The following IGF2BP3 variants were observed in gnomAD, a reference collection of about 807,000 sequenced individuals.
IGF2BP3 encodes the protein insulin like growth factor 2 mRNA binding protein 3.
IGF2BP3 carries 9 observed loss-of-function variants against 73.8 expected under a neutral mutation model. The ratio of observed to expected loss-of-function variants is 0.12; its 90% CI spans 0.07 to 0.21. The LOEUF (loss-of-function observed/expected upper bound fraction) is 0.21. IGF2BP3 is among the 10% of genes least tolerant of loss of function. The probability of loss-of-function intolerance (pLI) is 1.00; values close to 1 mark genes in which losing one functional copy is unlikely to be tolerated. For missense variants in IGF2BP3, 542 were observed against 714.0 expected (o/e 0.76, Z 2.75); for synonymous variants, 258 against 256.7 (o/e 1.01, Z -0.05).
intron 9 of IGF2BP3, among the ~76,000 whole-genome samples, chr7:23,342,914 G>T (rs964026330): frequency 6.6e-6 from 1 of 152,110 alleles, no homozygotes; most frequent in East Asian, 1.9e-4. Flanking sequence ...AGTCACGTGG[G>T]GTGTAAAATG....
At chr7:23,457,767 G>A (rs1788356879) in intron 2 of IGF2BP3, among the ~76,000 whole-genome samples, 1 of 152,172 alleles carries the variant, frequency 6.6e-6, no homozygotes, top group Admixed American at 6.5e-5. Flanking sequence ...CAAGCCCTGG[G>A]AACTACTAGA....
intron 10 of IGF2BP3, among the ~76,000 whole-genome samples, chr7:23,330,686 C>T (rs763286153): frequency 6.6e-6 from 1 of 152,170 alleles, no homozygotes; most frequent in Non-Finnish European, 1.5e-5. Context: ...TCAGGTGATC[C>T]GCCCGCCTTG....
chr7:23,447,660 G>A (rs1010844311), intron 2 of IGF2BP3, among the ~76,000 whole-genome samples: 14 of 151,884 alleles, frequency 9.2e-5, no homozygotes, highest in Admixed American at 3.9e-4. Flanking sequence ...TGAAGACCAA[G>A]GAACTGTCCC....
intron 10 of IGF2BP3, among the ~76,000 whole-genome samples, chr7:23,335,073 TAAAAAAAAAAA>T (rs5882898): frequency 7.2e-5 from 5 of 69,186 alleles, no homozygotes; most frequent in Admixed American, 4.0e-4. Flanking sequence ...TCTTTAACAT[TAAAAAAAAAAA>T]AAAAAAAAAA....
At position 23,347,752 on chromosome 7, in the gene IGF2BP3, CAG is replaced by C. The variant is rs750052108; in HGVS notation, c.684-20_684-19del. ...CATCGATTCTGATAGTGGGCGCAAG[CAG>C]AGAGGAAAACGAGAGCAGTAAGCGT... On this transcript the variant is annotated intron_variant, in intron 6 of 14. Coordinates refer to ENST00000258729, the MANE Select transcript of IGF2BP3 (RefSeq NM_006547.3). 3.5e-5 allele frequency: 56 copies of C among 1,613,802 alleles called. No homozygotes were observed. The African/African-American group carries it at 7.1e-4, about 20-fold the overall frequency.
chr7:23,420,490 G>A (rs528952803), intron 2 of IGF2BP3, among the ~76,000 whole-genome samples: 42 of 151,520 alleles, frequency 2.8e-4, no homozygotes, highest in African/African-American at 9.4e-4. Flanking sequence ...AAAGAAAAGA[G>A]AAGAAAAAAG....
intron 3 of IGF2BP3, chr7:23,414,527 G>A (rs1787126494): frequency 1.3e-5 from 2 of 152,194 alleles, no homozygotes; most frequent in African/African-American, 4.8e-5. Flanking sequence ...ATTGGGGCAG[G>A]AGATTGTCTT....
intron 3 of IGF2BP3, among the ~76,000 whole-genome samples, chr7:23,379,418 T>C (rs2128516133): frequency 6.6e-6 from 1 of 152,352 alleles, no homozygotes; most frequent in South Asian, 2.1e-4. Context: ...ACCCCTCAGA[T>C]GTGATTCCAC....
intron 2 of IGF2BP3, among the ~76,000 whole-genome samples, chr7:23,455,820 G>C (rs1433697283): frequency 1.3e-5 from 2 of 152,068 alleles, no homozygotes; most frequent in Admixed American, 6.6e-5. Flanking sequence ...TGAGTAACTG[G>C]GACTACAGGC....
In IGF2BP3 at chr7:23,423,772, GA is replaced by G. The variant is rs540791057; in HGVS notation, c.237-4949del. Among the ~76,000 whole-genome samples the G allele has an allele frequency of 4.1e-4, 58 of 143,020 alleles. No individual in the cohort carries two copies. In the East Asian group the frequency reaches 0.011, roughly 27 times the overall value. The allele number at this position is 143,020 out of a possible 152,430, so 93.8% of individuals were successfully genotyped here. A position where few individuals can be genotyped will look rare whatever the true frequency, so the allele number is the denominator to read the frequency against. On this transcript the variant is annotated intron_variant, in intron 2 of 14. Coordinates refer to ENST00000258729, the MANE Select transcript of IGF2BP3 (RefSeq NM_006547.3). ...CAACTGCCACACATTTTTGAGAATG[GA>G]AAAAAAAAACAAAAACCCCAAAATA...
intron 5 of IGF2BP3, 82 bp from the exon 6 acceptor site, chr7:23,351,668 C>A (rs1394583526): frequency 6.9e-7 from 1 of 1,451,066 alleles, no homozygotes; most frequent in Non-Finnish European, 9.5e-7. Context: ...CCCATCTCTT[C>A]TACTCAGCAT....
chr7:23,363,486 A>G (rs1406988397), intron 3 of IGF2BP3, among the ~76,000 whole-genome samples: 3 of 152,152 alleles, frequency 2.0e-5, no homozygotes, highest in Non-Finnish European at 2.9e-5. Flanking sequence ...GATTCAAGGG[A>G]TCATCCCAGC....
At chr7:23,327,940 C>T (rs976925623) in intron 10 of IGF2BP3, among the ~76,000 whole-genome samples, 11 of 152,166 alleles carry the variant, frequency 7.2e-5, no homozygotes, top group Non-Finnish European at 1.5e-4. Flanking sequence ...CCGTGCCACT[C>T]GCTTGTCCCC....
chr7:23,312,624 A>C (rs553041298), intron 14 of IGF2BP3, 111 bp downstream of exon 14: 29 of 926,716 alleles, frequency 3.1e-5, no homozygotes, highest in Non-Finnish European at 4.1e-5. Flanking sequence ...AAGGGAGATG[A>C]AAAGTCTTAA....
intron 3 of IGF2BP3, among the ~76,000 whole-genome samples, chr7:23,395,608 C>T (rs912036378): frequency 6.6e-6 from 1 of 150,798 alleles, no homozygotes; most frequent in East Asian, 2.0e-4. Context: ...CCCCCACCCC[C>T]CCAAAAAAAG....
chr7:23,466,420 TAGTA>T (rs1466213563), intron 2 of IGF2BP3, among the ~76,000 whole-genome samples: 5 of 152,240 alleles, frequency 3.3e-5, no homozygotes, highest in South Asian at 2.1e-4. Context: ...TTTACTTTGT[TAGTA>T]AGATAGTACT....
intron 3 of IGF2BP3, among the ~76,000 whole-genome samples, chr7:23,364,123 C>G (rs1439307123): frequency 6.6e-6 from 1 of 152,140 alleles, no homozygotes; most frequent in Non-Finnish European, 1.5e-5. Context: ...CGCCTGTAAT[C>G]CCAGCACTTT....
At chr7:23,356,913 G>A (rs1785110437) in intron 5 of IGF2BP3, among the ~76,000 whole-genome samples, 1 of 152,184 alleles carries the variant, frequency 6.6e-6, no homozygotes, top group Admixed American at 6.5e-5. Context: ...ATAGGAAACT[G>A]TGGTGAGGAT....
At chr7:23,323,945 C>T (rs1038999914) in intron 10 of IGF2BP3, among the ~76,000 whole-genome samples, 2 of 151,758 alleles carry the variant, frequency 1.3e-5, no homozygotes, top group African/African-American at 4.9e-5. Flanking sequence ...ATTTATAGCA[C>T]TAAATGCCCA....
Sources: allele counts gnomAD v4.1 joint callset (sites outside exome capture counted in the v4.1 genomes callset), GRCh38; gene constraint gnomAD v4.1.1; transcripts MANE v1.5; gene names NCBI Gene and HGNC (gene_info 2026-07-23, HGNC 2026-07-21).